Variants in OSBPL10 observed in about 807,000 individuals in gnomAD.
OSBPL10 encodes the protein oxysterol-binding protein-related protein 10.
A neutral mutation model predicts 81.7 loss-of-function variants in OSBPL10; 49 were observed. The ratio of observed to expected loss-of-function variants is 0.60; its 90% CI spans 0.48 to 0.76. The LOEUF is 0.76. Ranked by LOEUF, OSBPL10 falls within the 30% of genes least tolerant of loss-of-function variation. The pLI is 0.00. For synonymous variants in OSBPL10, 419 were observed against 383.6 expected, an observed-to-expected ratio of 1.09 and a Z score of -1.08; for missense variants, 923 against 987.8, an observed-to-expected ratio of 0.93 and a Z score of 0.88.
rs1205069915 is a variant in OSBPL10, at chr3:31,898,026, AAAAAAAAAAAAC to A, written c.282-18208_282-18197del. Among the ~76,000 whole-genome samples the A allele has an allele frequency of 7.7e-5, 9 of 116,242 alleles. No homozygotes were observed. The East Asian group carries it at 1.7e-3, about 22-fold the overall frequency. The allele number at this position is 116,242 out of a possible 152,430, so 76.3% of individuals were successfully genotyped here. A position where few individuals can be genotyped will look rare whatever the true frequency, so the allele number is the denominator to read the frequency against. ...TCTGTCAAAAAAAAAAAAAAAAAAA[AAAAAAAAAAAAC>A]AGAAGAAGAAGAGAAAGGAATGATA... On this transcript the variant is annotated intron_variant, in intron 1 of 11. Transcript: ENST00000396556.
intron 1 of OSBPL10, among the ~76,000 whole-genome samples, chr3:31,907,531 GCA>G (rs1468232856): frequency 8.7e-5 from 12 of 138,672 alleles, no homozygotes; most frequent in Middle Eastern, 4.4e-3. Context: ...GGAAGCTAAG[GCA>G]GGAGAATCAC....
chr3:31,716,850 C>T (rs1360981930), intron 6 of OSBPL10: 3 of 152,180 alleles, frequency 2.0e-5, no homozygotes, highest in Non-Finnish European at 4.4e-5. Context: ...ATATTTTCAT[C>T]AGTGGCCACA....
At chr3:31,815,595 G>T (rs928464960) in intron 4 of OSBPL10, among the ~76,000 whole-genome samples, 1 of 152,146 alleles carries the variant, frequency 6.6e-6, no homozygotes, top group Non-Finnish European at 1.5e-5. Context: ...TAATGGGGGT[G>T]GAAAGATGGG....
chr3:31,970,670 T>C (rs1381734453), intron 1 of OSBPL10, among the ~76,000 whole-genome samples: 2 of 152,350 alleles, frequency 1.3e-5, no homozygotes, highest in Non-Finnish European at 2.9e-5. Flanking sequence ...AAAGATTAAA[T>C]TGGATAATAT....
intron 6 of OSBPL10, among the ~76,000 whole-genome samples, chr3:31,708,564 T>C (rs2125608653): frequency 6.6e-6 from 1 of 152,350 alleles, no homozygotes; most frequent in Admixed American, 6.5e-5. Flanking sequence ...TTGGCCTTCT[T>C]GTACCCATTT....
intron 10 of OSBPL10, among the ~76,000 whole-genome samples, chr3:31,666,818 T>G (rs556633143): frequency 6.6e-5 from 10 of 152,222 alleles, no homozygotes; most frequent in Non-Finnish European, 1.0e-4. Flanking sequence ...ATAAAAGTTA[T>G]GTGAATGTAT....
intron 4 of OSBPL10, among the ~76,000 whole-genome samples, chr3:31,769,027 T>A (rs1481932954): frequency 2.0e-5 from 3 of 151,804 alleles, no homozygotes; most frequent in Non-Finnish European, 4.4e-5. Context: ...CGCGGAAAAA[T>A]AAGCCAACTG....
At chr3:31,698,796 C>T (rs1487655099) in intron 7 of OSBPL10, among the ~76,000 whole-genome samples, 3 of 152,198 alleles carry the variant, frequency 2.0e-5, no homozygotes, top group Non-Finnish European at 4.4e-5. Flanking sequence ...TAGAATCCTA[C>T]CCTGACCAGT....
chr3:31,774,162 C>CAAA (rs550791243), intron 4 of OSBPL10, among the ~76,000 whole-genome samples: 846 of 81,428 alleles, frequency 0.01, 10 homozygotes, highest in African/African-American at 0.029. Flanking sequence ...AACTCCATCT[C>CAAA]AAAAAAAAAA....
intron 1 of OSBPL10, among the ~76,000 whole-genome samples, chr3:31,965,666 AT>A (rs369448609): frequency 7.6e-5 from 3 of 39,496 alleles, no homozygotes; most frequent in African/African-American, 1.9e-4. Flanking sequence ...TATATTATAT[AT>A]TTTATATAAT....
chr3:31,903,246 G>T (rs1338814914), intron 1 of OSBPL10, among the ~76,000 whole-genome samples: 1 of 151,978 alleles, frequency 6.6e-6, no homozygotes, highest in Non-Finnish European at 1.5e-5. Context: ...AATAGAGAAG[G>T]CAGAGAAACT....
intron 3 of OSBPL10, among the ~76,000 whole-genome samples, chr3:31,849,515 T>C (rs1700708516): frequency 6.6e-6 from 1 of 152,168 alleles, no homozygotes; most frequent in Non-Finnish European, 1.5e-5. Context: ...ATTCTAGGTC[T>C]AGAATCCTAG....
At chr3:31,773,567 G>T (rs545886183) in intron 4 of OSBPL10, among the ~76,000 whole-genome samples, 1 of 152,330 alleles carries the variant, frequency 6.6e-6, no homozygotes, top group African/African-American at 2.4e-5. Flanking sequence ...GAGGGTTGTG[G>T]TTGTACAAAA....
At chr3:31,972,566 G>A (rs752854142) in intron 1 of OSBPL10, among the ~76,000 whole-genome samples, 1 of 149,930 alleles carries the variant, frequency 6.7e-6, no homozygotes, top group Non-Finnish European at 1.5e-5. Context: ...TAATCTACTC[G>A]ATTGCCCTGA....
At chr3:31,879,546 A>G in intron 2 of OSBPL10, 109 bp downstream of exon 2, 1 of 1,194,692 alleles carries the variant, frequency 8.4e-7, no homozygotes, top group Non-Finnish European at 1.2e-6. Flanking sequence ...TCCTCCAAAC[A>G]CAGCAAACTG....
At chr3:31,857,216 A>G (rs2125588428) in intron 3 of OSBPL10, among the ~76,000 whole-genome samples, 1 of 152,314 alleles carries the variant, frequency 6.6e-6, no homozygotes, top group South Asian at 2.1e-4. Context: ...GGTTTTGTCA[A>G]GGAAGAGGCC....
At chr3:31,802,292 T>A (rs1699402014) in intron 4 of OSBPL10, among the ~76,000 whole-genome samples, 1 of 150,902 alleles carries the variant, frequency 6.6e-6, no homozygotes, top group Admixed American at 6.6e-5. Context: ...GCATGGTGAC[T>A]CACACCTGTA....
chr3:31,980,814 T>G (rs973969097), intron 1 of OSBPL10, 85 bp downstream of exon 1: 1 of 1,407,600 alleles, frequency 7.1e-7, no homozygotes, highest in East Asian at 3.0e-5. Flanking sequence ...CGCACACACA[T>G]ACACAGACAC....
chr3:32,000,653 C>T (rs1190689270), intron 2 of OSBPL10, among the ~76,000 whole-genome samples: 1 of 152,208 alleles, frequency 6.6e-6, no homozygotes, highest in Admixed American at 6.5e-5. Context: ...GGTTGTTCCT[C>T]CCTTTACCAT....
Sources: allele counts gnomAD v4.1 joint callset (sites outside exome capture counted in the v4.1 genomes callset), GRCh38; gene constraint gnomAD v4.1.1; transcripts MANE v1.5; gene names NCBI Gene and HGNC (gene_info 2026-07-23, HGNC 2026-07-21).